The following SLC39A8 variants were observed in gnomAD, a reference collection of about 807,000 sequenced individuals.
SLC39A8 encodes solute carrier family 39 member 8.
In SLC39A8, 15 loss-of-function variants were observed where a neutral mutation model predicts 40.4. The ratio of observed to expected loss-of-function variants is 0.37; its 90% CI spans 0.25 to 0.57. The LOEUF is 0.57. SLC39A8 is among the 20% of genes least tolerant of loss of function. SLC39A8 has a pLI of 0.75. For synonymous variants in SLC39A8, 223 were observed against 221.6 expected, an observed-to-expected ratio of 1.01 and a Z score of -0.06; for missense variants, 472 against 558.8, an observed-to-expected ratio of 0.84 and a Z score of 1.57.
intron 6 of SLC39A8, among the ~76,000 whole-genome samples, chr4:102,297,039 C>T (rs1733706538): frequency 6.6e-6 from 1 of 152,030 alleles, no homozygotes; most frequent in Non-Finnish European, 1.5e-5. Context: ...TCTGAGGTTA[C>T]AATGACCCTG....
chr4:102,277,976 A>G (rs1383559995), intron 6 of SLC39A8, among the ~76,000 whole-genome samples: 2 of 152,238 alleles, frequency 1.3e-5, no homozygotes, highest in African/African-American at 2.4e-5. Flanking sequence ...ACTTTATACA[A>G]AAATTAACTC....
intron 8 of SLC39A8, among the ~76,000 whole-genome samples, chr4:102,266,233 T>A (rs1372411410): frequency 6.6e-6 from 1 of 152,052 alleles, no homozygotes; most frequent in African/African-American, 2.4e-5. Flanking sequence ...GAGTATTATT[T>A]CTTAGTATTA....
At chr4:102,344,962 C>T in intron 1 of SLC39A8, 47 bp from the exon 2 acceptor site, 1 of 1,129,918 alleles carries the variant, frequency 8.9e-7, no homozygotes, top group African/African-American at 1.6e-5. Context: ...GCCACCAGGG[C>T]ACCAGCCGGC....
intron 6 of SLC39A8, among the ~76,000 whole-genome samples, chr4:102,273,165 C>G (rs189832802): frequency 5.3e-5 from 8 of 152,324 alleles, no homozygotes; most frequent in Middle Eastern, 3.4e-3. Flanking sequence ...GGTCCCACCT[C>G]CATGGAGCCT....
intron 2 of SLC39A8, among the ~76,000 whole-genome samples, chr4:102,319,085 G>A (rs953921483): frequency 2.6e-5 from 4 of 152,194 alleles, no homozygotes; most frequent in Non-Finnish European, 5.9e-5. Context: ...GTAGGGGCTA[G>A]GTATATATTA....
rs539167471 is a variant in SLC39A8 at position 102,322,415 on chromosome 4, T to C, written c.220-6585A>G. Among the ~76,000 whole-genome samples, 104 of 152,274 alleles carry C rather than the reference T, an allele frequency of 6.8e-4. No individual in the cohort carries two copies. In the Middle Eastern group the frequency reaches 0.027, roughly 40 times the overall value. On this transcript the variant is annotated intron_variant, in intron 2 of 8. Transcript: ENST00000356736. ...ACTCTTACAAATAAAAGAGTACTGA[T>C]GGATACATAAAGTAATTATTTAAAA...
chr4:102,303,835 G>A (rs1003546293), intron 6 of SLC39A8, among the ~76,000 whole-genome samples: 3 of 151,726 alleles, frequency 2.0e-5, no homozygotes, highest in Admixed American at 6.6e-5. Flanking sequence ...TATATGATAC[G>A]TGCTCAAGAA....
intron 6 of SLC39A8, among the ~76,000 whole-genome samples, chr4:102,302,191 A>C (rs998753612): frequency 1.4e-4 from 21 of 152,046 alleles, no homozygotes; most frequent in African/African-American, 4.8e-4. Context: ...TTATCTTGTT[A>C]ACGCTGGAAA....
intron 2 of SLC39A8, among the ~76,000 whole-genome samples, chr4:102,324,468 C>T: frequency 6.6e-6 from 1 of 151,982 alleles, no homozygotes; most frequent in Non-Finnish European, 1.5e-5. Context: ...TTTAGGTATA[C>T]TTCGCTTTCT....
At chr4:102,332,422 T>C (rs1735506590) in intron 2 of SLC39A8, among the ~76,000 whole-genome samples, 1 of 152,214 alleles carries the variant, frequency 6.6e-6, no homozygotes, top group Non-Finnish European at 1.5e-5. Context: ...AAGCTCATCA[T>C]CCACTGATTG....
rs1485138490 is a variant in SLC39A8 at position 102,262,947 on chromosome 4, T to C, written c.*97A>G. ...CTGGACCTACAGTTGAAAGCAAAAT[T>C]ATCTTTTTAACTAAATAGGATCAGC... On this transcript the variant is annotated 3_prime_UTR_variant, in exon 9 of 9. Transcript: ENST00000356736. The C allele has an allele frequency of 6.9e-7, 1 of 1,456,940 alleles. No individual in the cohort carries two copies. The highest frequency in any genetic ancestry group is 1.4e-5 in the African/African-American group (1 of 70,278). 90.3% of individuals were successfully genotyped at this position (1,456,940 alleles called of 1,614,324 possible).
In SLC39A8 at chr4:102,344,459, C is replaced by T. The variant is rs1010451062; in HGVS notation, c.204G>A (p.Gln68=). The change falls in exon 2 of 9, where the codon CAG becomes CAA. Residue 68 remains glutamine, a synonymous_variant. Transcript: ENST00000356736. ...GCGGCCTTACCTGGTTGAAGTGCAG[C>T]TGGCCAGGCTCCGGGACGCCCACGC... ...ASRVGVPEPG[Q]LHFNQCLTAE... 1.8e-5 allele frequency: 28 copies of T among 1,540,162 alleles called. No individual in the cohort carries two copies. Among genetic ancestry groups the T allele is most frequent in the Non-Finnish European group, 2.5e-5 (28 of 1,142,390 alleles).
chr4:102,307,674 A>G, intron 3 of SLC39A8, 69 bp from the exon 4 acceptor site: 3 of 1,477,306 alleles, frequency 2.0e-6, no homozygotes, highest in South Asian at 2.5e-5. Flanking sequence ...TTTCCTGTAC[A>G]TTAAGCTTAA....
intron 11 of SLC39A8, among the ~76,000 whole-genome samples, chr4:102,254,047 C>T (rs1217105808): frequency 6.6e-6 from 1 of 152,146 alleles, no homozygotes; most frequent in Non-Finnish European, 1.5e-5. Flanking sequence ...CTCTTGGTTC[C>T]AGTCATGGGA....
At chr4:102,343,552 G>A (rs761524151) in intron 2 of SLC39A8, among the ~76,000 whole-genome samples, 6 of 152,202 alleles carry the variant, frequency 3.9e-5, no homozygotes, top group Non-Finnish European at 7.3e-5. Flanking sequence ...TCAAAGCACT[G>A]AGTTAACTGA....
At chr4:102,308,578 G>A (rs1397429859) in intron 3 of SLC39A8, among the ~76,000 whole-genome samples, 1 of 152,098 alleles carries the variant, frequency 6.6e-6, no homozygotes, top group Non-Finnish European at 1.5e-5. Context: ...TGTGGGTGCA[G>A]GCTGAGATAC....
chr4:102,278,147 A>G (rs1732703926), intron 6 of SLC39A8, among the ~76,000 whole-genome samples: 1 of 152,234 alleles, frequency 6.6e-6, no homozygotes, highest in African/African-American at 2.4e-5. Flanking sequence ...GGATCTAATT[A>G]AACTAAAGAG....
In SLC39A8 at chr4:102,302,674, G is replaced by A. The variant is rs114145187; in HGVS notation, c.840+1643C>T. On this transcript the variant is annotated intron_variant, in intron 6 of 8. Coordinates refer to ENST00000356736, the MANE Select transcript of SLC39A8 (RefSeq NM_001135146.2). ...CAGCCTTGGTACTAATCCAAGCTTT[G>A]CCATTAGGAACTGAGCATCTTTGGG... Among the ~76,000 whole-genome samples, 278 of 152,062 alleles carry A rather than the reference G, an allele frequency of 1.8e-3. 1 individual carries two copies. Among genetic ancestry groups the A allele is most frequent in the African/African-American group, 6.4e-3 (266 of 41,522 alleles).
chr4:102,308,089 G>T (rs1308185531), intron 3 of SLC39A8, among the ~76,000 whole-genome samples: 1 of 152,054 alleles, frequency 6.6e-6, no homozygotes, highest in Non-Finnish European at 1.5e-5. Context: ...GGTGACCATA[G>T]CTGCTAACAC....
Sources: gnomAD v4.1 joint callset for allele counts (sites outside exome capture counted in the v4.1 genomes callset) on GRCh38, gnomAD v4.1.1 for gene constraint, MANE v1.5 for transcripts, NCBI Gene and HGNC (gene_info 2026-07-23, HGNC 2026-07-21) for gene names.